Variants in SNPH observed in about 807,000 individuals in gnomAD.
SNPH encodes syntaphilin.
In SNPH, 10 loss-of-function variants were observed where a neutral mutation model predicts 36.8. That is an observed-to-expected ratio of 0.27 (90% confidence interval 0.17 to 0.46). The LOEUF (loss-of-function observed/expected upper bound fraction) is 0.46. Among genes scored for constraint, SNPH ranks in the 20% least tolerant of loss-of-function variants. SNPH has a pLI of 1.00. For missense variants in SNPH, 622 were observed against 744.0 expected, an observed-to-expected ratio of 0.84 and a Z score of 1.91; for synonymous variants, 281 against 312.2, an observed-to-expected ratio of 0.90 and a Z score of 1.05.
Position 1,276,233 on chromosome 20 carries a change from CCTCA to C in SNPH, c.-493+9477_-493+9480del, listed in dbSNP as rs55702631. On this transcript the variant is annotated intron_variant, in intron 2 of 6. Transcript: ENST00000381867. This position sits in a 1 kb window ranked among gnomAD's most constrained non-coding sequence, Gnocchi z 4.6. Reference sequence around the variant, plus strand: ...CTTCCCCCTCCACAGGAGGGGGGCTCCTCACTCTGGGGCCGTGTGTTTGAGAGAG... The same window carrying C: ...CTTCCCCCTCCACAGGAGGGGGGCTCCTCTGGGGCCGTGTGTTTGAGAGAG... Among the ~76,000 whole-genome samples the C allele has an allele frequency of 0.15, 22,858 of 152,176 alleles. 1,902 individuals are homozygous for C. The highest frequency in any genetic ancestry group is 0.2 in the Middle Eastern group (60 of 294).
intron 2 of SNPH, among the ~76,000 whole-genome samples, chr20:1,282,829 T>A (rs895961911): frequency 1.3e-5 from 2 of 152,166 alleles, no homozygotes; most frequent in African/African-American, 4.8e-5. Flanking sequence ...ATTTTACAGA[T>A]GAAGTTAAAG....
chr20:1,279,618 C>CTTT (rs1162325274), intron 2 of SNPH, among the ~76,000 whole-genome samples: 7 of 123,086 alleles, frequency 5.7e-5, no homozygotes, highest in Admixed American at 8.6e-5. Flanking sequence ...ACTCCGGCTT[C>CTTT]TTTTTTTTTT....
rs1395543411 is a variant in SNPH at position 1,276,412 on chromosome 20, G to T, written c.-493+9652G>T. Among the ~76,000 whole-genome samples the T allele has an allele frequency of 6.6e-6, 1 of 152,210 alleles. No homozygotes were observed. Among genetic ancestry groups the T allele is most frequent in the Non-Finnish European group, 1.5e-5 (1 of 68,046 alleles). ...TGAGTGGTTGGGAACAGAGAGCGCA[G>T]GTTGGAGTTGGATACACTTGGACTG... On this transcript the variant is annotated intron_variant, in intron 2 of 6. Coordinates refer to ENST00000381867, the MANE Select transcript of SNPH (RefSeq NM_001318234.2). This position sits in a 1 kb window ranked among gnomAD's most constrained non-coding sequence, Gnocchi z 4.6.
At chr20:1,271,179 A>G (rs1047114061) in intron 2 of SNPH, among the ~76,000 whole-genome samples, 2 of 152,256 alleles carry the variant, frequency 1.3e-5, no homozygotes, top group South Asian at 2.1e-4. Flanking sequence ...CCGAGGAGTC[A>G]GTAGACTTGG....
At position 1,272,641 on chromosome 20, in the gene SNPH, A is replaced by T. The variant is rs141481706; in HGVS notation, c.-493+5881A>T. On this transcript the variant is annotated intron_variant, in intron 2 of 6. Coordinates refer to ENST00000381867, the MANE Select transcript of SNPH (RefSeq NM_001318234.2). ...CATCCGTCTGTGACCTCAGATGTAA[A>T]GTTTTAGATGCTGGGCACATAGTGC... Among the ~76,000 whole-genome samples, 159 of 152,344 alleles carry T rather than the reference A, an allele frequency of 1.0e-3. 1 individual carries two copies. The East Asian group carries it at 0.012, about 11-fold the overall frequency.
intron 2 of SNPH, among the ~76,000 whole-genome samples, chr20:1,272,055 C>A (rs2088079055): frequency 6.6e-6 from 1 of 152,196 alleles, no homozygotes. Context: ...TTTAATATTT[C>A]TATTCCCCCA....
intron 2 of SNPH, among the ~76,000 whole-genome samples, chr20:1,270,771 G>A (rs1472545048): frequency 6.6e-6 from 1 of 152,138 alleles, no homozygotes; most frequent in African/African-American, 2.4e-5. Flanking sequence ...GTCTATTCTA[G>A]GCATCCCACC....
At chr20:1,302,562 C>T (rs950195690) in intron 6 of SNPH, among the ~76,000 whole-genome samples, 2 of 140,610 alleles carry the variant, frequency 1.4e-5, no homozygotes, top group African/African-American at 5.4e-5. Flanking sequence ...GCAATCACCG[C>T]CAATTTCTAA....
At position 1,266,446 on chromosome 20, in the gene SNPH, C is replaced by A. The variant is rs1163991827; in HGVS notation, c.-600+49C>A. 9.6e-6 allele frequency: 6 copies of A among 623,482 alleles called. No homozygotes were observed. The highest frequency in any genetic ancestry group is 7.0e-5 in the East Asian group (2 of 28,396). 38.6% of individuals were successfully genotyped at this position (623,482 alleles called of 1,614,324 possible). On this transcript the variant is annotated intron_variant, in intron 1 of 6. Transcript: ENST00000381867. This position sits in a 1 kb window ranked among gnomAD's most constrained non-coding sequence, Gnocchi z 6.0. ...CTCCGGGCCCACCGCCCAGCTGCAC[C>A]CGCCGCAGTCCAGAGTGCCGAGTGC...
Position 1,266,808 on chromosome 20 carries a change from G to T in SNPH, c.-493+48G>T. 7.7e-7 allele frequency: 1 copy of T among 1,306,466 alleles called. No individual in the cohort carries two copies. Among genetic ancestry groups the T allele is most frequent in the South Asian group, 2.2e-5 (1 of 45,042 alleles). The allele number at this position is 1,306,466 out of a possible 1,614,324, so 80.9% of individuals were successfully genotyped here. A position where few individuals can be genotyped will look rare whatever the true frequency, so the allele number is the denominator to read the frequency against. On this transcript the variant is annotated intron_variant, in intron 2 of 6. Transcript: ENST00000381867. The surrounding 1 kb of genome is among the most constrained non-coding windows in gnomAD (Gnocchi z 6.0). ...GGGAGCTGGCCCTGCGCTGCACCGC[G>T]GCAGGTGGGGGCCGCTTGCAACCGC... is the stretch of plus-strand genomic sequence containing the variant.
intron 2 of SNPH, among the ~76,000 whole-genome samples, chr20:1,290,487 A>G (rs964053643): frequency 2.0e-5 from 3 of 152,188 alleles, no homozygotes; most frequent in Admixed American, 1.3e-4. Context: ...TAATGTTGTC[A>G]AGGTTCATCT....
At chr20:1,273,785 C>G (rs1027637409) in intron 2 of SNPH, among the ~76,000 whole-genome samples, 57 of 152,082 alleles carry the variant, frequency 3.7e-4, no homozygotes, top group South Asian at 2.1e-4. Context: ...AAAGATGGGA[C>G]GGAGAAAAAA....
At chr20:1,274,461 T>A (rs2088108483) in intron 2 of SNPH, among the ~76,000 whole-genome samples, 1 of 152,134 alleles carries the variant, frequency 6.6e-6, no homozygotes, top group African/African-American at 2.4e-5. Flanking sequence ...TAGGAGGAAT[T>A]CTTGCCATAG....
In SNPH at chr20:1,304,727, G is replaced by T; in HGVS notation, c.441-151G>T. 1.5e-6 allele frequency: 1 copy of T among 663,044 alleles called. No individual in the cohort carries two copies. Among genetic ancestry groups the T allele is most frequent in the Non-Finnish European group, 2.6e-6 (1 of 388,200 alleles). The allele number at this position is 663,044 out of a possible 1,614,324, so 41.1% of individuals were successfully genotyped here. On this transcript the variant is annotated intron_variant, in intron 6 of 6. Coordinates refer to ENST00000381867, the MANE Select transcript of SNPH (RefSeq NM_001318234.2). The surrounding 1 kb of genome is among the most constrained non-coding windows in gnomAD (Gnocchi z 4.3). The stretch of plus-strand genomic sequence containing the variant: ...CTCTCACTCCCCACTATAATAAGAA[G>T]GCATTGAGTTTGTCCTTCTGTTTTG...
chr20:1,284,950 G>A (rs926456039), intron 2 of SNPH, among the ~76,000 whole-genome samples: 1 of 152,210 alleles, frequency 6.6e-6, no homozygotes. Flanking sequence ...GTTTGTAGGA[G>A]ATAATGAGAC....
chr20:1,276,419 G>A lies in SNPH; in HGVS notation c.-493+9659G>A, dbSNP rs2088132704. On this transcript the variant is annotated intron_variant, in intron 2 of 6. Coordinates refer to ENST00000381867, the MANE Select transcript of SNPH (RefSeq NM_001318234.2). The surrounding 1 kb of genome is among the most constrained non-coding windows in gnomAD (Gnocchi z 4.6). ...TTGGGAACAGAGAGCGCAGGTTGGA[G>A]TTGGATACACTTGGACTGCTGTCTC... Among the ~76,000 whole-genome samples, 1 of 152,180 alleles carries A rather than the reference G, an allele frequency of 6.6e-6. No individual in the cohort carries two copies. Among genetic ancestry groups the A allele is most frequent in the Non-Finnish European group, 1.5e-5 (1 of 68,034 alleles).
intron 2 of SNPH, among the ~76,000 whole-genome samples, chr20:1,268,830 T>A (rs1165140111): frequency 6.6e-6 from 1 of 152,190 alleles, no homozygotes; most frequent in Non-Finnish European, 1.5e-5. Context: ...TAGGACATCG[T>A]CCAGGTTGTT....
chr20:1,283,312 A>G (rs1407969492), intron 2 of SNPH, among the ~76,000 whole-genome samples: 1 of 152,186 alleles, frequency 6.6e-6, no homozygotes, highest in African/African-American at 2.4e-5. Flanking sequence ...CTCCTGATTT[A>G]CTGGGGGCCT....
At chr20:1,302,638 C>G (rs1459740661) in intron 6 of SNPH, among the ~76,000 whole-genome samples, 1 of 152,212 alleles carries the variant, frequency 6.6e-6, no homozygotes, top group Admixed American at 6.5e-5. Context: ...GCCAGTTTCT[C>G]TCCAACCACC....
Sources: gnomAD v4.1 joint callset for allele counts (sites outside exome capture counted in the v4.1 genomes callset) on GRCh38, gnomAD v4.1.1 for gene constraint, Gnocchi (gnomAD v3.1) non-coding constraint, MANE v1.5 for transcripts, NCBI Gene and HGNC (gene_info 2026-07-23, HGNC 2026-07-21) for gene names.